The following NFS1 variants were observed in gnomAD, a reference collection of about 807,000 sequenced individuals.
The protein encoded by NFS1 is NFS1 cysteine desulfurase.
A neutral mutation model predicts 57.3 loss-of-function variants in NFS1; 26 were observed. The ratio of observed to expected loss-of-function variants is 0.45; its 90% CI spans 0.33 to 0.63. NFS1 has a LOEUF of 0.63. Ranked by LOEUF, NFS1 falls within the 20% of genes least tolerant of loss-of-function variation. The pLI, the probability that NFS1 is intolerant of heterozygous loss-of-function variation, is 0.02. For synonymous variants in NFS1, 209 were observed against 216.3 expected (o/e 0.97, Z 0.30); for missense variants, 505 against 605.8 (o/e 0.83, Z 1.75).
chr20:35,684,411 TAAATAAAATAAAATA>T lies in NFS1; in HGVS notation c.562-2445_562-2431del, dbSNP rs60162682. 2.2e-3 allele frequency among the ~76,000 whole-genome samples: 279 copies of T among 124,418 alleles called. 3 individuals carry two copies. Among genetic ancestry groups the T allele is most frequent in the South Asian group, 0.01 (40 of 3,854 alleles). 81.6% of individuals were successfully genotyped at this position (124,418 alleles called of 152,430 possible). A position where few individuals can be genotyped will look rare whatever the true frequency, so the allele number is the denominator to read the frequency against. On this transcript the variant is annotated intron_variant, in intron 5 of 12. Coordinates refer to ENST00000374092, the MANE Select transcript of NFS1 (RefSeq NM_021100.5). Reference sequence around the variant, plus strand: ...AGACAGAGCAAGACTCCATCTCAAATAAATAAAATAAAATAAAATAAAATAAAATAAAATAAAATA... The same window carrying T: ...AGACAGAGCAAGACTCCATCTCAAATAAATAAAATAAAATAAAATAAAATA...
Position 35,690,406 on chromosome 20 carries a change from C to T in NFS1, c.561+7G>A. The T allele has an allele frequency of 6.2e-7, 1 of 1,611,826 alleles. No individual in the cohort carries two copies. The highest frequency in any genetic ancestry group is 1.1e-5 in the South Asian group (1 of 90,754). ...TTTTTGCTCCTCCTGCCAATAGCCA[C>T]TCCTACCTTTAGGTCAATGATCCCA... On this transcript the variant is annotated splice_region_variant and intron_variant, in intron 5 of 12. Coordinates refer to ENST00000374092, the MANE Select transcript of NFS1 (RefSeq NM_021100.5).
chr20:35,677,818 CA>C (rs1207515320), intron 7 of NFS1, among the ~76,000 whole-genome samples: 1 of 152,130 alleles, frequency 6.6e-6, no homozygotes, highest in Admixed American at 6.6e-5. Flanking sequence ...CCTGTAATCC[CA>C]GCACTTTGGG....
At chr20:35,674,659 C>T in intron 8 of NFS1, 42 bp from the exon 9 acceptor site, 1 of 1,491,144 alleles carries the variant, frequency 6.7e-7, no homozygotes, top group Non-Finnish European at 9.4e-7. Context: ...AACCATTAAC[C>T]AGCTCAGAAA....
At chr20:35,671,562 C>T (rs892922384) in intron 12 of NFS1, among the ~76,000 whole-genome samples, 28 of 143,828 alleles carry the variant, frequency 1.9e-4, no homozygotes, top group African/African-American at 6.7e-4. Context: ...CAGAATGAGA[C>T]ACTTTCTCTA....
intron 7 of NFS1, among the ~76,000 whole-genome samples, chr20:35,678,671 C>G (rs1054100161): frequency 2.6e-5 from 4 of 152,054 alleles, no homozygotes; most frequent in African/African-American, 7.2e-5. Context: ...CCACTGCACT[C>G]CAGCCTGGGC....
Position 35,669,615 on chromosome 20 carries a change from T to C in NFS1, c.*7A>G. ...CCAGACCAGCACAAAGTCAGGGCCC[T>C]ATTCTTCTAGTGTTGGGTCCACTTG... On this transcript the variant is annotated 3_prime_UTR_variant, in exon 13 of 13. Coordinates refer to ENST00000374092, the MANE Select transcript of NFS1 (RefSeq NM_021100.5). 6.2e-7 allele frequency: 1 copy of C among 1,614,004 alleles called. No homozygotes were observed. The highest frequency in any genetic ancestry group is 2.2e-5 in the East Asian group (1 of 44,886).
At chr20:35,680,485 A>AT in intron 7 of NFS1, among the ~76,000 whole-genome samples, 1 of 152,334 alleles carries the variant, frequency 6.6e-6, no homozygotes, top group East Asian at 1.9e-4. Flanking sequence ...CCTCAACCAA[A>AT]TTAAGATCTA....
chr20:35,673,605 T>C lies in NFS1; in HGVS notation c.1216A>G (p.Ile406Val), dbSNP rs200432935. 4.2e-5 allele frequency: 67 copies of C among 1,613,322 alleles called. No homozygotes were observed. The highest frequency in any genetic ancestry group is 1.2e-4 in the Admixed American group (7 of 59,980). ...GTDEDLAHSS[I>V]RFGIGRFTTE... The stretch of plus-strand genomic sequence containing the variant: ...GTTGCAGCTCAACTCACTGACCTGA[T>C]AGAAGAGTGCGCTAAATCCTCATCA... Residue 406 changes from isoleucine to valine, a missense_variant, in exon 11 of 13, where the codon ATC (isoleucine) becomes GTC (valine). Ile to Val is a conservative substitution (Grantham distance 29, BLOSUM62 3). Coordinates refer to ENST00000374092, the MANE Select transcript of NFS1 (RefSeq NM_021100.5).
In NFS1 at chr20:35,680,850, T is replaced by C. The variant is rs750050040; in HGVS notation, c.677A>G (p.Lys226Arg). Reference sequence around the variant, plus strand: ...GGCTGCATCAGTATGGAAATATACCTTTCTGGAACTGCAAATCCGCCCTGA... The same window carrying C: ...GGCTGCATCAGTATGGAAATATACCCTTCTGGAACTGCAAATCCGCCCTGA... ...AEIGRICSSR[K>R]VYFHTDAAQA... The change falls in exon 7 of 13, where the codon AAG (lysine) becomes AGG (arginine). Residue 226 changes from lysine (K) to arginine (R), a missense_variant. Physicochemically the swap from Lys to Arg is conservative, Grantham distance 26. Coordinates refer to ENST00000374092, the MANE Select transcript of NFS1 (RefSeq NM_021100.5). 11 of 1,539,882 alleles carry C rather than the reference T, an allele frequency of 7.1e-6. No individual in the cohort carries two copies. The highest frequency in any genetic ancestry group is 6.2e-5 in the Admixed American group (3 of 48,036).
At chr20:35,683,925 C>A (rs546101733) in intron 5 of NFS1, among the ~76,000 whole-genome samples, 1 of 151,002 alleles carries the variant, frequency 6.6e-6, no homozygotes, top group South Asian at 2.1e-4. Context: ...ACCAGCCTGG[C>A]CAACATGGTG....
At chr20:35,675,402 G>T in intron 7 of NFS1, 200 bp from the exon 8 acceptor site, 1 of 628,138 alleles carries the variant, frequency 1.6e-6, no homozygotes, top group Non-Finnish European at 2.8e-6. Context: ...GAAGATAAAT[G>T]CCAGAAGGAG....
chr20:35,689,534 C>T lies in NFS1; in HGVS notation c.561+879G>A, dbSNP rs188196771. ...CTGTAATCCCAGCACTTTGGGAGGC[C>T]GAAGTGGGTGGATCACGAGGTCAGG... On this transcript the variant is annotated intron_variant, in intron 5 of 12. Coordinates refer to ENST00000374092, the MANE Select transcript of NFS1 (RefSeq NM_021100.5). Among the ~76,000 whole-genome samples the T allele has an allele frequency of 1.5e-3, 224 of 151,962 alleles. 1 individual carries two copies. Among genetic ancestry groups the T allele is most frequent in the African/African-American group, 5.2e-3 (216 of 41,466 alleles).
intron 8 of NFS1, 89 bp from the exon 9 acceptor site, chr20:35,674,706 G>A: frequency 2.9e-6 from 3 of 1,018,898 alleles, no homozygotes; most frequent in East Asian, 2.4e-5. Context: ...AACTGGAAGT[G>A]ACTATGTATC....
At chr20:35,696,675 T>TTA (rs1555885119) in intron 3 of NFS1, among the ~76,000 whole-genome samples, 3 of 151,914 alleles carry the variant, frequency 2.0e-5, no homozygotes, top group African/African-American at 7.3e-5. Context: ...TTTTTTTTTT[T>TTA]AATGAACTAT....
At position 35,675,077 on chromosome 20, in the gene NFS1, C is replaced by T; in HGVS notation, c.916G>A (p.Ala306Thr). ...VPTPLVVGLGAACEVAQQEME... is the reference protein window; with the variant it reads ...VPTPLVVGLGTACEVAQQEME... The stretch of plus-strand genomic sequence containing the variant: ...TCTTGCTGTGCCACCTCACACGCAG[C>T]CCCCAGCCCCACCACTAAGGGTGTG... Residue 306 changes from alanine to threonine, a missense_variant, in exon 8 of 13, where the codon GCT becomes ACT. Coordinates refer to ENST00000374092, the MANE Select transcript of NFS1 (RefSeq NM_021100.5). 3.1e-6 allele frequency: 5 copies of T among 1,614,050 alleles called. No homozygotes were observed. Among genetic ancestry groups the T allele is most frequent in the Non-Finnish European group, 3.4e-6 (4 of 1,179,958 alleles).
At position 35,681,904 on chromosome 20, in the gene NFS1, C is replaced by T; in HGVS notation, c.639G>A (p.Gln213=). The T allele has an allele frequency of 6.2e-7, 1 of 1,610,118 alleles. No homozygotes were observed. Among genetic ancestry groups the T allele is most frequent in the Non-Finnish European group, 8.5e-7 (1 of 1,176,456 alleles). Residue 213 remains glutamine, a synonymous_variant, in exon 6 of 13, where the codon CAG becomes CAA. Coordinates refer to ENST00000374092, the MANE Select transcript of NFS1 (RefSeq NM_021100.5). The stretch of plus-strand genomic sequence containing the variant: ...GATACTCACCTATTTCTGCAATAGG[C>T]TGCTTCACTCCAATCTCATTGTTCA... The part of the protein sequence containing the change: ...MTVNNEIGVK[Q]PIAEIGRICS...
chr20:35,677,468 C>T (rs531011570), intron 7 of NFS1, among the ~76,000 whole-genome samples: 7 of 151,982 alleles, frequency 4.6e-5, no homozygotes, highest in Non-Finnish European at 2.9e-5. Flanking sequence ...CCTAGGAGGT[C>T]GAGGCTGCAG....
At chr20:35,697,302 T>TAAAA (rs368169006) in intron 3 of NFS1, among the ~76,000 whole-genome samples, 89 of 125,994 alleles carry the variant, frequency 7.1e-4, no homozygotes, top group African/African-American at 2.1e-3. Context: ...CTCCATCTCA[T>TAAAA]AAAAAAAAAA....
At chr20:35,690,105 A>T (rs535496651) in intron 5 of NFS1, among the ~76,000 whole-genome samples, 20 of 151,602 alleles carry the variant, frequency 1.3e-4, no homozygotes, top group African/African-American at 4.4e-4. Context: ...GTCTCAAAAT[A>T]AAAAAAAGAA....
Sources: gnomAD v4.1 joint callset for allele counts (sites outside exome capture counted in the v4.1 genomes callset) on GRCh38, gnomAD v4.1.1 for gene constraint, MANE v1.5 for transcripts, NCBI Gene and HGNC (gene_info 2026-07-23, HGNC 2026-07-21) for gene names.